Variants in SPAG16 observed in about 807,000 individuals in gnomAD.
The protein encoded by SPAG16 is sperm-associated antigen 16 protein.
A neutral mutation model predicts 80.4 loss-of-function variants in SPAG16; 86 were observed. The ratio of observed to expected loss-of-function variants is 1.07; its 90% CI spans 0.90 to 1.28. The LOEUF (loss-of-function observed/expected upper bound fraction) is 1.28. SPAG16 is among the 50% of genes most tolerant of loss of function. The pLI, the probability that SPAG16 is intolerant of heterozygous loss-of-function variation, is 0.00. For synonymous variants in SPAG16, 294 were observed against 265.9 expected, an observed-to-expected ratio of 1.11 and a Z score of -1.03; for missense variants, 870 against 765.3, an observed-to-expected ratio of 1.14 and a Z score of -1.61.
chr2:213,289,697 TC>T (rs2062193264), intron 1 of SPAG16, among the ~76,000 whole-genome samples: 1 of 152,240 alleles, frequency 6.6e-6, no homozygotes, highest in African/African-American at 2.4e-5. Flanking sequence ...TCATGGAAGA[TC>T]CAGGCTAGAT....
intron 9 of SPAG16, among the ~76,000 whole-genome samples, chr2:213,468,202 G>C (rs1424593158): frequency 3.3e-5 from 5 of 151,944 alleles, no homozygotes; most frequent in African/African-American, 4.8e-5. Context: ...TGGGTCATCT[G>C]ATCCCTGGTC....
Position 214,149,136 on chromosome 2 carries a change from GA to G in SPAG16, c.1594-2del. 6.7e-7 allele frequency: 1 copy of G among 1,498,318 alleles called. No individual in the cohort carries two copies. Among genetic ancestry groups the G allele is most frequent in the South Asian group, 1.3e-5 (1 of 79,342 alleles). 92.8% of individuals were successfully genotyped at this position (1,498,318 alleles called of 1,614,324 possible). ...TTTATTTTTGTTTATCTTATATTTT[GA>G]AGGGTCACATGATAGCATCCTGTGA... is the stretch of plus-strand genomic sequence containing the variant. On this transcript the variant is annotated splice_region_variant and splice_polypyrimidine_tract_variant and intron_variant, in intron 14 of 15. Coordinates refer to ENST00000331683, the MANE Select transcript of SPAG16 (RefSeq NM_024532.5).
chr2:213,505,424 T>C (rs1431014888), intron 10 of SPAG16, among the ~76,000 whole-genome samples: 2 of 152,090 alleles, frequency 1.3e-5, no homozygotes, highest in Non-Finnish European at 2.9e-5. Context: ...CAAATGTATG[T>C]TTTTTGGTAT....
At chr2:214,403,489 G>A (rs139411137) in intron 15 of SPAG16, among the ~76,000 whole-genome samples, 3 of 151,644 alleles carry the variant, frequency 2.0e-5, no homozygotes, top group South Asian at 2.1e-4. Context: ...TTCTTTCTTC[G>A]TTTGAAACCT....
In SPAG16 at chr2:213,364,113, G is replaced by T; in HGVS notation, c.800G>T (p.Arg267Ile). ...GLQETLKKLQ[R>I]GHSYHGPQIK... ...CAAGAAACATTGAAGAAACTGCAAAGAGGACATAGTTACCATGGTCCTCAA... is the reference window on the plus strand; with the variant it reads ...CAAGAAACATTGAAGAAACTGCAAATAGGACATAGTTACCATGGTCCTCAA... Residue 267 changes from arginine (R) to isoleucine (I), a missense_variant, in exon 8 of 16, where the codon AGA (arginine) becomes ATA (isoleucine). Transcript: ENST00000331683. 6.6e-7 allele frequency: 1 copy of T among 1,526,388 alleles called. No homozygotes were observed. Among genetic ancestry groups the T allele is most frequent in the South Asian group, 1.3e-5 (1 of 74,986 alleles). 94.6% of individuals were successfully genotyped at this position (1,526,388 alleles called of 1,614,324 possible). A position where few individuals can be genotyped will look rare whatever the true frequency, so the allele number is the denominator to read the frequency against.
rs1393586851 is a variant in SPAG16 at position 213,943,043 on chromosome 2, A to C, written c.1400+12898A>C. Among the ~76,000 whole-genome samples the C allele has an allele frequency of 2.6e-5, 4 of 152,296 alleles. No homozygotes were observed. In the East Asian group the frequency reaches 7.7e-4, roughly 29 times the overall value. On this transcript the variant is annotated intron_variant, in intron 12 of 15. Coordinates refer to ENST00000331683, the MANE Select transcript of SPAG16 (RefSeq NM_024532.5). ...ATGAGAAGATGGCCATCTGCAAACCAGAAAGTGGGCTTTCACCAGGCACTG... is the reference window on the plus strand; with the variant it reads ...ATGAGAAGATGGCCATCTGCAAACCCGAAAGTGGGCTTTCACCAGGCACTG...
chr2:214,175,221 GTGTA>G (rs1454529596), intron 15 of SPAG16, among the ~76,000 whole-genome samples: 7 of 131,778 alleles, frequency 5.3e-5, no homozygotes, highest in Middle Eastern at 3.9e-3. Context: ...AAAGAAATGT[GTGTA>G]TATATATATA....
At chr2:213,882,027 G>A (rs1363669958) in intron 11 of SPAG16, among the ~76,000 whole-genome samples, 2 of 152,130 alleles carry the variant, frequency 1.3e-5, no homozygotes, top group Non-Finnish European at 2.9e-5. Context: ...TCTTTTGAGA[G>A]TTTTTATTAT....
At chr2:214,082,532 T>G (rs2125269178) in intron 13 of SPAG16, among the ~76,000 whole-genome samples, 1 of 152,318 alleles carries the variant, frequency 6.6e-6, no homozygotes, top group East Asian at 1.9e-4. Flanking sequence ...CTCTTCCTTG[T>G]CCTATCCATC....
At chr2:214,124,010 C>G (rs2054353740) in intron 14 of SPAG16, among the ~76,000 whole-genome samples, 1 of 151,738 alleles carries the variant, frequency 6.6e-6, no homozygotes. Flanking sequence ...TTTTTTAACC[C>G]TAGAATTCTT....
At chr2:213,882,164 A>G (rs1343497840) in intron 11 of SPAG16, among the ~76,000 whole-genome samples, 1 of 152,186 alleles carries the variant, frequency 6.6e-6, no homozygotes. Flanking sequence ...TCAGCCTTGC[A>G]TTACAGGAAT....
chr2:213,317,988 CT>C (rs1165448939), intron 5 of SPAG16: 1 of 152,456 alleles, frequency 6.6e-6, no homozygotes, highest in Non-Finnish European at 1.5e-5. Flanking sequence ...ATTCTCTATA[CT>C]GTTTTCCATA....
chr2:213,572,728 G>GAGGC (rs1344587668), intron 10 of SPAG16, among the ~76,000 whole-genome samples: 1 of 152,046 alleles, frequency 6.6e-6, no homozygotes, highest in Non-Finnish European at 1.5e-5. Flanking sequence ...GGAGCCTACA[G>GAGGC]AGGCAGGCAG....
intron 10 of SPAG16, among the ~76,000 whole-genome samples, chr2:213,855,914 C>T (rs1359470026): frequency 6.7e-6 from 1 of 149,882 alleles, no homozygotes; most frequent in Non-Finnish European, 1.5e-5. Context: ...CTCCTGGTCC[C>T]TCCCAAATCT....
intron 15 of SPAG16, among the ~76,000 whole-genome samples, chr2:214,314,692 G>T (rs903131912): frequency 4.6e-5 from 7 of 152,168 alleles, no homozygotes; most frequent in Admixed American, 3.3e-4. Context: ...GAGACCCAAA[G>T]AAGTAATTGA....
intron 10 of SPAG16, among the ~76,000 whole-genome samples, chr2:213,548,651 G>A (rs2125936186): frequency 6.6e-6 from 1 of 152,128 alleles, no homozygotes; most frequent in East Asian, 1.9e-4. Context: ...TGTGCTTTCT[G>A]TTCTGTAGAT....
intron 15 of SPAG16, among the ~76,000 whole-genome samples, chr2:214,178,192 T>A (rs1271504004): frequency 6.7e-6 from 1 of 149,814 alleles, no homozygotes; most frequent in African/African-American, 2.4e-5. Context: ...ATTTTGAGAA[T>A]AAAACGTTCT....
chr2:214,001,262 T>C (rs2124876782), intron 12 of SPAG16, among the ~76,000 whole-genome samples: 1 of 152,340 alleles, frequency 6.6e-6, no homozygotes, highest in Non-Finnish European at 1.5e-5. Flanking sequence ...TTAAAGTTTT[T>C]TGAAGGAAAT....
At chr2:213,673,996 A>G (rs534480083) in intron 10 of SPAG16, among the ~76,000 whole-genome samples, 1 of 152,252 alleles carries the variant, frequency 6.6e-6, no homozygotes, top group East Asian at 1.9e-4. Flanking sequence ...TTATATTTTT[A>G]AATTATTTCA....
Sources: gnomAD v4.1 joint callset for allele counts (sites outside exome capture counted in the v4.1 genomes callset) on GRCh38, gnomAD v4.1.1 for gene constraint, MANE v1.5 for transcripts, NCBI Gene and HGNC (gene_info 2026-07-23, HGNC 2026-07-21) for gene names.